Variants in SNAI3 observed in about 807,000 individuals in gnomAD.
SNAI3 encodes the protein snail family transcriptional repressor 3, also known as zinc finger protein SNAI3.
SNAI3 carries 21 observed loss-of-function variants against 16.4 expected under a neutral mutation model. That is an observed-to-expected ratio of 1.28 (90% CI 0.91 to 1.85). SNAI3 has a LOEUF of 1.85. SNAI3 is among the 40% of genes most tolerant of loss of function. SNAI3 has a pLI of 0.00. For synonymous variants in SNAI3, 202 were observed against 166.6 expected, an observed-to-expected ratio of 1.21 and a Z score of -1.64; for missense variants, 457 against 372.8, an observed-to-expected ratio of 1.23 and a Z score of -1.86.
chr16:88,682,751 A>C (rs1909216799), intron 1 of SNAI3, among the ~76,000 whole-genome samples: 1 of 123,416 alleles, frequency 8.1e-6, no homozygotes, highest in South Asian at 2.8e-4. Context: ...CAATTTTAAT[A>C]TGGGCAAGGG....
rs1909360884 is a variant in SNAI3 at position 88,686,354 on chromosome 16, T to C, written c.53A>G (p.Tyr18Cys). The change falls in exon 1 of 3, where the codon TAC (tyrosine) becomes TGC (cysteine). Residue 18 changes from tyrosine (Y) to cysteine (C), a missense_variant. Tyr to Cys is a radical substitution (Grantham distance 194). Transcript: ENST00000332281. Reference sequence around the variant, plus strand: ...ACCTCTCTGCGTCTCCAGCCGCCGGTAGTTGGGGACCCTGTGGCTGGAGTG... The same window carrying C: ...ACCTCTCTGCGTCTCCAGCCGCCGGCAGTTGGGGACCCTGTGGCTGGAGTG... Reference protein sequence around the residue: ...KTHSSHRVPNYRRLETQREIN... With the variant: ...KTHSSHRVPNCRRLETQREIN... 3 of 1,612,186 alleles carry C rather than the reference T, an allele frequency of 1.9e-6. No individual in the cohort carries two copies. Among genetic ancestry groups the C allele is most frequent in the Non-Finnish European group, 2.5e-6 (3 of 1,179,650 alleles).
chr16:88,685,706 A>T (rs1909335312), intron 1 of SNAI3: 1 of 152,544 alleles, frequency 6.6e-6, no homozygotes, highest in Non-Finnish European at 1.5e-5. Flanking sequence ...CCTTTAGCCC[A>T]GCCTGCCCAG....
At chr16:88,683,928 T>C (rs61352138) in intron 1 of SNAI3, among the ~76,000 whole-genome samples, 4,703 of 152,194 alleles carry the variant, frequency 0.031, 189 homozygotes, top group African/African-American at 0.09. Context: ...GCAAAGATGC[T>C]CAATGCCATC....
At chr16:88,679,264 C>A (rs942342419) in intron 2 of SNAI3, among the ~76,000 whole-genome samples, 1 of 152,184 alleles carries the variant, frequency 6.6e-6, no homozygotes, top group African/African-American at 2.4e-5. Context: ...CACTCCCAGG[C>A]TGAGGGCACC....
At chr16:88,684,789 C>A (rs747678793) in intron 1 of SNAI3, among the ~76,000 whole-genome samples, 2 of 152,250 alleles carry the variant, frequency 1.3e-5, no homozygotes, top group Non-Finnish European at 2.9e-5. Context: ...CCACACCCAG[C>A]TGAAGAGACT....
chr16:88,678,434 C>T lies in SNAI3; in HGVS notation c.*14G>A, dbSNP rs767498715. 13 of 760,434 alleles carry T rather than the reference C, an allele frequency of 1.7e-5. No individual in the cohort carries two copies. The highest frequency in any genetic ancestry group is 5.5e-5 in the South Asian group (4 of 73,380). 47.1% of individuals were successfully genotyped at this position (760,434 alleles called of 1,614,324 possible). A position where few individuals can be genotyped will look rare whatever the true frequency, so the allele number is the denominator to read the frequency against. The stretch of plus-strand genomic sequence containing the variant: ...TGAGGACCATCCCTCCTACCTGCGC[C>T]GACCACGTGCCTCTCAGGGGCCCGG... On this transcript the variant is annotated 3_prime_UTR_variant, in exon 3 of 3. Transcript: ENST00000332281.
chr16:88,681,688 CA>C lies in SNAI3; in HGVS notation c.102del (p.Cys34TrpfsTer76). 1.4e-6 allele frequency: 2 copies of C among 1,467,486 alleles called. No individual in the cohort carries two copies. Among genetic ancestry groups the C allele is most frequent in the South Asian group, 3.1e-5 (2 of 64,936 alleles). 90.9% of individuals were successfully genotyped at this position (1,467,486 alleles called of 1,614,324 possible). On this transcript the variant is annotated frameshift_variant, in exon 2 of 3. Transcript: ENST00000332281. LOFTEE classifies it high-confidence loss of function. The surrounding 1 kb of genome is among the most constrained non-coding windows in gnomAD (Gnocchi z 5.4). ...QREINGACSA[C>X]GGLVVPLLPR... Reference sequence around the variant, plus strand: ...GGGAGGAGGGGCACCACCAGCCCCCCACAGGCAGAGCAGGCACCATTGATTT... The same window carrying C: ...GGGAGGAGGGGCACCACCAGCCCCCCCAGGCAGAGCAGGCACCATTGATTT...
chr16:88,678,667 G>C (rs923529685), intron 2 of SNAI3, 38 bp from the exon 3 acceptor site: 3 of 1,531,076 alleles, frequency 2.0e-6, no homozygotes, highest in Non-Finnish European at 2.7e-6. Flanking sequence ...CACCATGGAA[G>C]ATGGAGTGAA....
At chr16:88,680,836 T>A (rs1407902699) in intron 2 of SNAI3, among the ~76,000 whole-genome samples, 2 of 152,058 alleles carry the variant, frequency 1.3e-5, no homozygotes, top group Non-Finnish European at 1.5e-5. Context: ...CTTGAAGTGA[T>A]CCTCCCACCT....
chr16:88,678,315 C>T lies in SNAI3; in HGVS notation c.*133G>A, dbSNP rs895564917. On this transcript the variant is annotated 3_prime_UTR_variant, in exon 3 of 3. Transcript: ENST00000332281. Reference sequence around the variant, plus strand: ...CTGGACTTCTTTGGTTCTGATTGGACGCAGATGTGGAGGACGCACCAAGTG... The same window carrying T: ...CTGGACTTCTTTGGTTCTGATTGGATGCAGATGTGGAGGACGCACCAAGTG... 4.2e-5 allele frequency: 25 copies of T among 593,946 alleles called. No individual in the cohort carries two copies. Among genetic ancestry groups the T allele is most frequent in the Middle Eastern group, 4.5e-4 (1 of 2,232 alleles). The allele number at this position is 593,946 out of a possible 1,614,324, so 36.8% of individuals were successfully genotyped here. A position where few individuals can be genotyped will look rare whatever the true frequency, so the allele number is the denominator to read the frequency against.
At chr16:88,678,903 G>T in intron 2 of SNAI3, 1 of 985,394 alleles carries the variant, frequency 1.0e-6, no homozygotes, top group Non-Finnish European at 1.2e-6. Context: ...AGAAGCACTG[G>T]GGGCCTCTGG....
intron 1 of SNAI3, among the ~76,000 whole-genome samples, chr16:88,683,795 G>A (rs749706613): frequency 2.0e-5 from 3 of 151,526 alleles, no homozygotes; most frequent in Non-Finnish European, 4.4e-5. Context: ...GGCCTCAAGG[G>A]ATCTGCCCAC....
chr16:88,685,212 C>T (rs951113111), intron 1 of SNAI3: 8 of 152,256 alleles, frequency 5.3e-5, no homozygotes, highest in Non-Finnish European at 1.0e-4. Context: ...CCAGGCACTC[C>T]GGCAGTTTCT....
chr16:88,678,900 C>T, intron 2 of SNAI3: 1 of 985,408 alleles, frequency 1.0e-6, no homozygotes. Context: ...GGGAGAAGCA[C>T]TGGGGGCCTC....
chr16:88,682,844 G>A (rs1343297821), intron 1 of SNAI3, among the ~76,000 whole-genome samples: 3 of 139,458 alleles, frequency 2.2e-5, no homozygotes, highest in East Asian at 2.1e-4. Flanking sequence ...GCGTGATCTC[G>A]GTTCACTGTA....
chr16:88,685,054 C>G (rs1336047208), intron 1 of SNAI3: 1 of 152,274 alleles, frequency 6.6e-6, no homozygotes, highest in Non-Finnish European at 1.5e-5. Context: ...CCACTGGGCC[C>G]AGCACAGCTA....
chr16:88,684,524 C>T lies in SNAI3; in HGVS notation c.76+1807G>A, dbSNP rs568876849. Among the ~76,000 whole-genome samples the T allele has an allele frequency of 7.9e-5, 12 of 152,304 alleles. No homozygotes were observed. In the South Asian group the frequency reaches 2.3e-3, roughly 29 times the overall value. On this transcript the variant is annotated intron_variant, in intron 1 of 2. Coordinates refer to ENST00000332281, the MANE Select transcript of SNAI3 (RefSeq NM_178310.4). ...GTTTTGTTTTGTTTTGAGACAGAGT[C>T]TCGCTCTGTCGCCCAGGTTGGAGTG...
At position 88,681,833 on chromosome 16, in the gene SNAI3, T is replaced by C. The variant is rs1325395225; in HGVS notation, c.77-119A>G. 2 of 1,169,732 alleles carry C rather than the reference T, an allele frequency of 1.7e-6. No individual in the cohort carries two copies. Among genetic ancestry groups the C allele is most frequent in the Non-Finnish European group, 2.2e-6 (2 of 918,326 alleles). The allele number at this position is 1,169,732 out of a possible 1,614,324, so 72.5% of individuals were successfully genotyped here. A position where few individuals can be genotyped will look rare whatever the true frequency, so the allele number is the denominator to read the frequency against. ...CATCAGCAGCCTGGCGTGGGAGGTG[T>C]AGCCGGGAACCTGCATGCAGACCCA... On this transcript the variant is annotated intron_variant, in intron 1 of 2. Coordinates refer to ENST00000332281, the MANE Select transcript of SNAI3 (RefSeq NM_178310.4). This position sits in a 1 kb window ranked among gnomAD's most constrained non-coding sequence, Gnocchi z 5.4.
At chr16:88,686,017 G>C (rs1389653834) in intron 1 of SNAI3, 4 of 277,754 alleles carry the variant, frequency 1.4e-5, no homozygotes, top group Admixed American at 4.9e-5. Context: ...TGGGGCTGTA[G>C]TGGTTGGGAC....
Sources: allele counts gnomAD v4.1 joint callset (sites outside exome capture counted in the v4.1 genomes callset), GRCh38; gene constraint gnomAD v4.1.1; non-coding constraint Gnocchi (gnomAD v3.1); transcripts MANE v1.5; gene names NCBI Gene and HGNC (gene_info 2026-07-23, HGNC 2026-07-21).